The following DLC1 variants were observed in gnomAD, a reference collection of about 807,000 sequenced individuals.
The protein encoded by DLC1 is DLC1 Rho GTPase activating protein.
A neutral mutation model predicts 140.3 loss-of-function variants in DLC1; 54 were observed. That is an observed-to-expected ratio of 0.38 (90% CI 0.31 to 0.48). The LOEUF (loss-of-function observed/expected upper bound fraction) is 0.48. DLC1 is among the 20% of genes least tolerant of loss of function. The probability of loss-of-function intolerance (pLI) is 0.96; values close to 1 mark genes in which losing one functional copy is unlikely to be tolerated. For synonymous variants in DLC1, 986 were observed against 728.1 expected, an observed-to-expected ratio of 1.35 and a Z score of -5.70; for missense variants, 2,536 against 1,907.0, an observed-to-expected ratio of 1.33 and a Z score of -6.14.
At chr8:13,377,404 C>T (rs1391409485) in intron 4 of DLC1, among the ~76,000 whole-genome samples, 1 of 152,116 alleles carries the variant, frequency 6.6e-6, no homozygotes, top group Non-Finnish European at 1.5e-5. Flanking sequence ...AATTTGCCAG[C>T]CACAAGTGTC....
chr8:13,555,996 G>T (rs1236132014), intron 1 of DLC1, among the ~76,000 whole-genome samples: 1 of 152,080 alleles, frequency 6.6e-6, no homozygotes, highest in South Asian at 2.1e-4. Context: ...AGTTCTAGAT[G>T]GCTGGTATAT....
At chr8:13,350,785 T>C (rs1834620958) in intron 4 of DLC1, among the ~76,000 whole-genome samples, 1 of 152,196 alleles carries the variant, frequency 6.6e-6, no homozygotes, top group Non-Finnish European at 1.5e-5. Context: ...AAATTGTTCA[T>C]ATTAGAATAG....
At chr8:13,179,015 A>G (rs1407984050) in intron 5 of DLC1, among the ~76,000 whole-genome samples, 1 of 152,224 alleles carries the variant, frequency 6.6e-6, no homozygotes, top group Non-Finnish European at 1.5e-5. Flanking sequence ...CAGACTGAAA[A>G]TGATACAAAT....
intron 4 of DLC1, among the ~76,000 whole-genome samples, chr8:13,323,540 T>C (rs1833214059): frequency 6.6e-6 from 1 of 152,228 alleles, no homozygotes; most frequent in African/African-American, 2.4e-5. Flanking sequence ...TTGATGGTCA[T>C]CCTTTATTAA....
In DLC1 at chr8:13,100,328, C is replaced by A; in HGVS notation, c.2009G>T (p.Arg670Leu). ...AKSKTRSLLK[R>L]MESLKLKSSH... is the part of the protein sequence containing the mutation. ...GCTCTTGAGCTTCAGGCTCTCCATC[C>A]GTTTCAGCAGACTGCGCGTCTTGGA... The change falls in exon 9 of 18, where the codon CGG becomes CTG. Residue 670 changes from arginine to leucine, a missense_variant. Transcript: ENST00000276297. 3.1e-6 allele frequency: 5 copies of A among 1,614,164 alleles called. No individual in the cohort carries two copies. Among genetic ancestry groups the A allele is most frequent in the Non-Finnish European group, 4.2e-6 (5 of 1,180,034 alleles).
intron 5 of DLC1, among the ~76,000 whole-genome samples, chr8:13,189,798 C>T (rs1288242171): frequency 6.6e-6 from 1 of 152,034 alleles, no homozygotes; most frequent in Non-Finnish European, 1.5e-5. Context: ...AGGAGAATCG[C>T]TTGAAACCGG....
chr8:13,334,802 TGTCCAAAGTAG>T (rs1256764007), intron 4 of DLC1, among the ~76,000 whole-genome samples: 2 of 152,234 alleles, frequency 1.3e-5, no homozygotes, highest in Non-Finnish European at 2.9e-5. Context: ...GCTTGTTAGA[TGTCCAAAGTAG>T]AGATTTAAGT....
At chr8:13,239,081 A>G (rs1242955852) in intron 5 of DLC1, among the ~76,000 whole-genome samples, 1 of 152,174 alleles carries the variant, frequency 6.6e-6, no homozygotes, top group Admixed American at 6.5e-5. Flanking sequence ...TTATATAAAA[A>G]GGAGATTGGG....
chr8:13,092,838 AGCACTTTCTCCATCAGCTTGGTGAATTT>A lies in DLC1; in HGVS notation c.3527-41_3527-14del. 6.2e-7 allele frequency: 1 copy of A among 1,607,186 alleles called. No individual in the cohort carries two copies. The highest frequency in any genetic ancestry group is 8.5e-7 in the Non-Finnish European group (1 of 1,175,446). Reference sequence around the variant, plus strand: ...TCCTTGGGCACATCTGCACGACACCAGCACTTTCTCCATCAGCTTGGTGAATTTGCATGGACATTGCAAGGAAATGTCC... The same window carrying A: ...TCCTTGGGCACATCTGCACGACACCAGCATGGACATTGCAAGGAAATGTCC... On this transcript the variant is annotated splice_polypyrimidine_tract_variant and intron_variant, in intron 12 of 17. Coordinates refer to ENST00000276297, the MANE Select transcript of DLC1 (RefSeq NM_182643.3).
chr8:13,471,199 C>T (rs1800190669), intron 2 of DLC1, among the ~76,000 whole-genome samples: 1 of 151,464 alleles, frequency 6.6e-6, no homozygotes, highest in African/African-American at 2.4e-5. Flanking sequence ...TTTAATTAGT[C>T]TGGATGGATA....
chr8:13,137,960 C>T (rs762860908), intron 5 of DLC1, among the ~76,000 whole-genome samples: 1 of 152,100 alleles, frequency 6.6e-6, no homozygotes, highest in Non-Finnish European at 1.5e-5. Context: ...TGGATGTTTT[C>T]CCATTCAACT....
At chr8:13,143,662 T>G (rs529523211) in intron 5 of DLC1, among the ~76,000 whole-genome samples, 3 of 152,020 alleles carry the variant, frequency 2.0e-5, no homozygotes, top group Admixed American at 1.3e-4. Flanking sequence ...TCCTCTCACC[T>G]TAGCCTCTTA....
At chr8:13,129,396 C>G (rs1164221003) in intron 5 of DLC1, among the ~76,000 whole-genome samples, 1 of 152,192 alleles carries the variant, frequency 6.6e-6, no homozygotes, top group East Asian at 1.9e-4. Flanking sequence ...GATATTTACA[C>G]TCTATGGTTG....
At chr8:13,349,973 A>G (rs1834559540) in intron 4 of DLC1, among the ~76,000 whole-genome samples, 1 of 152,126 alleles carries the variant, frequency 6.6e-6, no homozygotes, top group African/African-American at 2.4e-5. Context: ...TTTCCATACA[A>G]TGGGGGATAT....
At chr8:13,488,044 G>C (rs1240952915) in intron 2 of DLC1, among the ~76,000 whole-genome samples, 22 of 152,208 alleles carry the variant, frequency 1.4e-4, no homozygotes, top group Admixed American at 1.4e-3. Context: ...CAGTATGTGA[G>C]TAGAATATGA....
intron 3 of DLC1, among the ~76,000 whole-genome samples, chr8:13,395,917 C>A (rs974283897): frequency 6.6e-6 from 1 of 151,564 alleles, no homozygotes; most frequent in Non-Finnish European, 1.5e-5. Context: ...ATTAGAATTT[C>A]AAATTGGATC....
intron 4 of DLC1, among the ~76,000 whole-genome samples, chr8:13,350,442 G>C (rs762378090): frequency 1.3e-5 from 2 of 152,142 alleles, no homozygotes; most frequent in Admixed American, 6.5e-5. Context: ...CAGGCCAGGC[G>C]TGGTGGCTCA....
intron 5 of DLC1, among the ~76,000 whole-genome samples, chr8:13,240,623 AG>A (rs1829506277): frequency 6.6e-6 from 1 of 151,856 alleles, no homozygotes; most frequent in Non-Finnish European, 1.5e-5. Context: ...TGTAGAGATG[AG>A]GCTTCCCTGT....
chr8:13,169,711 G>A (rs1017970802), intron 5 of DLC1, among the ~76,000 whole-genome samples: 21 of 152,236 alleles, frequency 1.4e-4, no homozygotes, highest in East Asian at 1.9e-4. Context: ...CTTTTATTAC[G>A]TTCTGAAAGA....
Sources: allele counts gnomAD v4.1 joint callset (sites outside exome capture counted in the v4.1 genomes callset), GRCh38; gene constraint gnomAD v4.1.1; transcripts MANE v1.5; gene names NCBI Gene and HGNC (gene_info 2026-07-23, HGNC 2026-07-21).